The following SHISA9 variants were observed in gnomAD, a reference collection of about 807,000 sequenced individuals.
The protein encoded by SHISA9 is shisa family member 9.
SHISA9 carries 13 observed loss-of-function variants against 38.0 expected under a neutral mutation model. That is an observed-to-expected ratio of 0.34 (90% confidence interval 0.22 to 0.54). The LOEUF (loss-of-function observed/expected upper bound fraction) is 0.54. SHISA9 is among the 20% of genes least tolerant of loss of function. The probability of loss-of-function intolerance (pLI) is 0.91; values close to 1 mark genes in which losing one functional copy is unlikely to be tolerated. For synonymous variants in SHISA9, 275 were observed against 242.0 expected (o/e 1.14, Z -1.27); for missense variants, 538 against 575.8 (o/e 0.93, Z 0.67).
At position 13,203,483 on chromosome 16, in the gene SHISA9, T is replaced by C. The variant is rs1187425897; in HGVS notation, c.781T>C (p.Ser261Pro). The C allele has an allele frequency of 8.4e-6, 13 of 1,551,140 alleles. No homozygotes were observed. The highest frequency in any genetic ancestry group is 1.1e-5 in the Non-Finnish European group (13 of 1,146,678). The change falls in exon 3 of 5, where the codon TCC becomes CCC. Residue 261 changes from serine to proline, a missense_variant. Physicochemically the swap from Ser to Pro is moderately conservative, Grantham distance 74 (BLOSUM62 -1). Transcript: ENST00000558583. The part of the protein sequence containing the change: ...PHSYPNLGQI[S>P]NPYEQQPPGK... ...TTCGTACCCGAACCTGGGCCAGATC[T>C]CCAACCCCTATGAACAGCAGCCACC...
intron 2 of SHISA9, among the ~76,000 whole-genome samples, chr16:13,162,529 C>T (rs1381107396): frequency 1.3e-5 from 2 of 152,180 alleles, no homozygotes; most frequent in Non-Finnish European, 2.9e-5. Flanking sequence ...TTGACTGATA[C>T]TCCAAATTCC....
chr16:13,360,389 A>G, the SHISA9 span, among the ~76,000 whole-genome samples: 1 of 152,044 alleles, frequency 6.6e-6, no homozygotes, highest in Non-Finnish European at 1.5e-5. Flanking sequence ...CATAATCCCT[A>G]CAGATACTGG....
intron 2 of SHISA9, among the ~76,000 whole-genome samples, chr16:13,012,160 T>C (rs1596583503): frequency 6.6e-6 from 1 of 152,044 alleles, no homozygotes; most frequent in East Asian, 1.9e-4. Context: ...GTTCCACATA[T>C]AAGTGAGATC....
intron 2 of SHISA9, among the ~76,000 whole-genome samples, chr16:13,074,202 TCAGG>T (rs2073553884): frequency 6.6e-6 from 1 of 152,150 alleles, no homozygotes; most frequent in Admixed American, 6.5e-5. Context: ...ACTCCTGACC[TCAGG>T]TGATCCACCC....
the SHISA9 span, among the ~76,000 whole-genome samples, chr16:13,540,586 C>A: frequency 6.6e-6 from 1 of 152,250 alleles, no homozygotes; most frequent in East Asian, 1.9e-4. Flanking sequence ...ATTCCCCATT[C>A]CCCTACTGAT....
At chr16:13,536,697 C>T in the SHISA9 span, among the ~76,000 whole-genome samples, 4 of 152,212 alleles carry the variant, frequency 2.6e-5, no homozygotes, top group African/African-American at 9.6e-5. Context: ...ATGAGAGAAG[C>T]TTGCACCATG....
rs79567823 is a variant in SHISA9 at position 12,947,983 on chromosome 16, A to G, written c.691+31168A>G. Among the ~76,000 whole-genome samples, 15 of 152,318 alleles carry G rather than the reference A, an allele frequency of 9.8e-5. No homozygotes were observed. The East Asian group carries it at 2.7e-3, about 28-fold the overall frequency. On this transcript the variant is annotated intron_variant, in intron 2 of 4. Transcript: ENST00000558583. ...ATCTGTGGATCACATTTGAGAAAGCATAGGGTTGGATAAACACCATAGCCT... is the reference window on the plus strand; with the variant it reads ...ATCTGTGGATCACATTTGAGAAAGCGTAGGGTTGGATAAACACCATAGCCT...
chr16:13,439,936 A>G, the SHISA9 span, among the ~76,000 whole-genome samples: 2 of 152,196 alleles, frequency 1.3e-5, no homozygotes, highest in Non-Finnish European at 2.9e-5. Context: ...TCAGCGATTT[A>G]CCAGCATGGG....
intron 2 of SHISA9, among the ~76,000 whole-genome samples, chr16:13,047,408 T>C (rs2073200059): frequency 6.6e-6 from 1 of 152,208 alleles, no homozygotes; most frequent in East Asian, 1.9e-4. Flanking sequence ...TGCTAGAACA[T>C]ATCCAGCCCC....
chr16:13,280,117 C>CTTTTTTTTTTTTT, the SHISA9 span, among the ~76,000 whole-genome samples: 46 of 102,824 alleles, frequency 4.5e-4, no homozygotes, highest in Middle Eastern at 5.6e-3. Flanking sequence ...CTCTCTTTCT[C>CTTTTTTTTTTTTT]TTTTTTTTTT....
chr16:13,108,667 G>A (rs2073949431), intron 2 of SHISA9, among the ~76,000 whole-genome samples: 1 of 152,056 alleles, frequency 6.6e-6, no homozygotes, highest in Admixed American at 6.5e-5. Flanking sequence ...AATACTAGAG[G>A]GAAAAAAATC....
intron 1 of SHISA9, among the ~76,000 whole-genome samples, chr16:12,904,275 T>C (rs1297336330): frequency 3.3e-5 from 5 of 152,148 alleles, no homozygotes; most frequent in African/African-American, 1.2e-4. Flanking sequence ...ACAGGTAGGC[T>C]GCCTTGCAGA....
At chr16:13,126,801 GGAGAGA>G (rs527384974) in intron 2 of SHISA9, among the ~76,000 whole-genome samples, 32 of 136,650 alleles carry the variant, frequency 2.3e-4, no homozygotes, top group African/African-American at 8.5e-4. Flanking sequence ...ACTGAGGGGA[GGAGAGA>G]GAGAGAGAGA....
intron 2 of SHISA9, among the ~76,000 whole-genome samples, chr16:12,955,719 A>T (rs1462544222): frequency 1.3e-5 from 2 of 152,128 alleles, no homozygotes; most frequent in East Asian, 3.9e-4. Context: ...GAAAAATAAA[A>T]CTGACATCTA....
chr16:13,170,119 C>T (rs766250424), intron 2 of SHISA9, among the ~76,000 whole-genome samples: 37 of 149,406 alleles, frequency 2.5e-4, no homozygotes, highest in Non-Finnish European at 2.8e-4. Context: ...AGGAGAATCG[C>T]TTGAACCTGG....
At chr16:13,017,141 T>G (rs1236414319) in intron 2 of SHISA9, among the ~76,000 whole-genome samples, 1 of 152,030 alleles carries the variant, frequency 6.6e-6, no homozygotes, top group Non-Finnish European at 1.5e-5. Flanking sequence ...TGCTTCAGCC[T>G]TCCAAGTAGC....
chr16:13,122,722 C>T lies in SHISA9; in HGVS notation c.692-80672C>T, dbSNP rs550823170. The stretch of plus-strand genomic sequence containing the variant: ...TAAGTATGTTTTCTTTTTTCATACT[C>T]AAACCATATTATTAGGTTTTAAGAT... On this transcript the variant is annotated intron_variant, in intron 2 of 4. Transcript: ENST00000558583. Among the ~76,000 whole-genome samples the T allele has an allele frequency of 5.9e-5, 9 of 152,264 alleles. 1 individual carries two copies. The highest frequency in any genetic ancestry group is 1.7e-4 in the African/African-American group (7 of 41,570).
chr16:13,005,839 A>G (rs947583588), intron 2 of SHISA9, among the ~76,000 whole-genome samples: 1 of 152,214 alleles, frequency 6.6e-6, no homozygotes, highest in African/African-American at 2.4e-5. Flanking sequence ...CTCCTTGGAC[A>G]TTGACATCCT....
intron 2 of SHISA9, among the ~76,000 whole-genome samples, chr16:13,059,158 C>A (rs1231596357): frequency 7.6e-6 from 1 of 132,088 alleles, no homozygotes; most frequent in South Asian, 2.5e-4. Context: ...GACAGAGTCT[C>A]ACTCTGTCGC....
Sources: gnomAD v4.1 joint callset for allele counts (sites outside exome capture counted in the v4.1 genomes callset) on GRCh38, gnomAD v4.1.1 for gene constraint, MANE v1.5 for transcripts, NCBI Gene and HGNC (gene_info 2026-07-23, HGNC 2026-07-21) for gene names.